SLC25A26: variants seen among roughly 807,000 people sequenced by gnomAD.
The protein encoded by SLC25A26 is solute carrier family 25 member 26, also known as mitochondrial S-adenosylmethionine carrier protein.
A neutral mutation model predicts 37.8 loss-of-function variants in SLC25A26; 36 were observed. The observed-to-expected ratio is 0.95, with a 90% CI of 0.73 to 1.26. SLC25A26 has a LOEUF of 1.26. Ranked by LOEUF, SLC25A26 falls within the 50% of genes most tolerant of loss-of-function variation. The probability of loss-of-function intolerance (pLI) is 0.00; values close to 1 mark genes in which losing one functional copy is unlikely to be tolerated. For synonymous variants in SLC25A26, 129 were observed against 122.5 expected (o/e 1.05, Z -0.35); for missense variants, 390 against 331.1 (o/e 1.18, Z -1.38).
intron 7 of SLC25A26, among the ~76,000 whole-genome samples, chr3:66,369,038 A>C (rs560887632): frequency 0.012 from 291 of 23,362 alleles, 2 homozygotes; most frequent in South Asian, 0.033. Flanking sequence ...AAAAAAAAAA[A>C]AAAAACAAAA....
intron 6 of SLC25A26, among the ~76,000 whole-genome samples, chr3:66,350,291 A>G (rs2076419463): frequency 6.6e-6 from 1 of 152,168 alleles, no homozygotes; most frequent in Non-Finnish European, 1.5e-5. Flanking sequence ...TCTAAAAGTC[A>G]TCATCTTTCT....
At chr3:66,302,147 T>C (rs2075094053) in intron 5 of SLC25A26, among the ~76,000 whole-genome samples, 1 of 152,240 alleles carries the variant, frequency 6.6e-6, no homozygotes, top group African/African-American at 2.4e-5. Context: ...CTCCATCTGT[T>C]GTGCAGAAGT....
chr3:66,304,150 A>C (rs977607439), intron 5 of SLC25A26, among the ~76,000 whole-genome samples: 2 of 152,164 alleles, frequency 1.3e-5, no homozygotes, highest in African/African-American at 4.8e-5. Context: ...GAACCAACTG[A>C]TGGGGGAACT....
chr3:66,209,751 T>C (rs1205272298), intron 1 of SLC25A26, among the ~76,000 whole-genome samples: 2 of 138,560 alleles, frequency 1.4e-5, no homozygotes, highest in South Asian at 2.3e-4. Flanking sequence ...GATATATATA[T>C]ACAACTTTTA....
rs1008623052 is a variant in SLC25A26, at chr3:66,139,042, C to T, written c.-354+5058C>T. 2.0e-5 allele frequency among the ~76,000 whole-genome samples: 3 copies of T among 151,964 alleles called. No individual in the cohort carries two copies. In the East Asian group the frequency reaches 5.8e-4, roughly 30 times the overall value. On this transcript the variant is annotated intron_variant, in intron 1 of 10. Transcript: ENST00000676754. ...CTGCCCCACCCCTCCTGTCCTCCTC[C>T]CCTCCCCATCCTCTTTTCCTCTGCC... is the stretch of plus-strand genomic sequence containing the variant.
intron 5 of SLC25A26, among the ~76,000 whole-genome samples, chr3:66,269,182 A>G (rs2073868005): frequency 6.6e-6 from 1 of 152,214 alleles, no homozygotes; most frequent in South Asian, 2.1e-4. Context: ...GCAGTTCTAA[A>G]AGGCGGCTGT....
intron 1 of SLC25A26, among the ~76,000 whole-genome samples, chr3:66,145,002 C>T (rs1335243114): frequency 6.6e-6 from 1 of 152,054 alleles, no homozygotes; most frequent in Non-Finnish European, 1.5e-5. Context: ...TTTTCAGAGC[C>T]ACGAGGGAGT....
rs2075062549 is a variant in SLC25A26, at chr3:66,301,050, A to C, written c.453+37671A>C. ...ATTGGACCAGTGTTTGACCTGCCAG[A>C]ATAAAATGATGATAGAACTCATTGT... On this transcript the variant is annotated intron_variant, in intron 5 of 9. Coordinates refer to ENST00000354883, the MANE Select transcript of SLC25A26 (RefSeq NM_001379210.1). Among the ~76,000 whole-genome samples, 3 of 152,310 alleles carry C rather than the reference A, an allele frequency of 2.0e-5. No individual in the cohort carries two copies. In the South Asian group the frequency reaches 6.2e-4, roughly 32 times the overall value.
chr3:66,240,373 T>C (rs1357971763), intron 2 of SLC25A26, among the ~76,000 whole-genome samples: 1 of 152,176 alleles, frequency 6.6e-6, no homozygotes, highest in African/African-American at 2.4e-5. Flanking sequence ...CACTGCAACC[T>C]CAACCTCCCA....
intron 5 of SLC25A26, among the ~76,000 whole-genome samples, chr3:66,328,586 G>C (rs1187477451): frequency 6.6e-6 from 1 of 152,142 alleles, no homozygotes; most frequent in Non-Finnish European, 1.5e-5. Flanking sequence ...TTCATCGACA[G>C]CTGCTAAAGT....
Position 66,247,021 on chromosome 3 carries a change from C to A in SLC25A26, c.300+3709C>A, listed in dbSNP as rs914103577. 2.6e-5 allele frequency among the ~76,000 whole-genome samples: 4 copies of A among 152,128 alleles called. No individual in the cohort carries two copies. In the South Asian group the frequency reaches 8.3e-4, roughly 32 times the overall value. On this transcript the variant is annotated intron_variant, in intron 3 of 9. Coordinates refer to ENST00000354883, the MANE Select transcript of SLC25A26 (RefSeq NM_001379210.1). ...GGACTACAGGCACCCGCCACCACAC[C>A]CGGCTAATTTTTTTTTGTATTTTTA...
At chr3:66,235,063 T>C (rs1576676826) in intron 1 of SLC25A26, among the ~76,000 whole-genome samples, 1 of 152,180 alleles carries the variant, frequency 6.6e-6, no homozygotes, top group African/African-American at 2.4e-5. Context: ...ACAAACGTTA[T>C]GTTTTTGTCT....
Position 66,364,337 on chromosome 3 carries a change from A to G in SLC25A26, c.568+1408A>G, listed in dbSNP as rs572346181. Among the ~76,000 whole-genome samples the G allele has an allele frequency of 2.0e-5, 3 of 152,286 alleles. No individual in the cohort carries two copies. In the South Asian group the frequency reaches 6.2e-4, roughly 32 times the overall value. On this transcript the variant is annotated intron_variant, in intron 7 of 9. Transcript: ENST00000354883. Reference sequence around the variant, plus strand: ...GGGAACTTCCTATCAGACATCCTCTATCTATGTGGTAGGATCCTACCATCC... The same window carrying G: ...GGGAACTTCCTATCAGACATCCTCTGTCTATGTGGTAGGATCCTACCATCC...
chr3:66,334,569 G>C (rs1007939545), intron 5 of SLC25A26, among the ~76,000 whole-genome samples: 1 of 152,188 alleles, frequency 6.6e-6, no homozygotes, highest in East Asian at 1.9e-4. Flanking sequence ...ACCGGCCTCA[G>C]CCTCCCAAAG....
At position 66,315,819 on chromosome 3, in the gene SLC25A26, A is replaced by G. The variant is rs548524041; in HGVS notation, c.454-30545A>G. ...TCCTGTATTGGGTCCATATATATTT[A>G]GGATAGTTAGCTCTTCTTCTTGATT... On this transcript the variant is annotated intron_variant, in intron 5 of 9. Coordinates refer to ENST00000354883, the MANE Select transcript of SLC25A26 (RefSeq NM_001379210.1). 9.2e-5 allele frequency among the ~76,000 whole-genome samples: 14 copies of G among 152,324 alleles called. No individual in the cohort carries two copies. The South Asian group carries it at 2.7e-3, about 29-fold the overall frequency.
At chr3:66,261,973 C>T (rs1270080449) in intron 3 of SLC25A26, 78 bp from the exon 4 acceptor site, 2 of 786,668 alleles carry the variant, frequency 2.5e-6, no homozygotes, top group Admixed American at 2.7e-5. Context: ...CTTTTTACTA[C>T]AATTTTTGCT....
At chr3:66,353,892 T>C (rs909752058) in intron 6 of SLC25A26, among the ~76,000 whole-genome samples, 1 of 152,256 alleles carries the variant, frequency 6.6e-6, no homozygotes, top group Admixed American at 6.5e-5. Context: ...GTCTTCTGTT[T>C]ATTCTTTATG....
intron 5 of SLC25A26, among the ~76,000 whole-genome samples, chr3:66,326,822 A>G (rs1271474921): frequency 6.6e-6 from 1 of 152,206 alleles, no homozygotes; most frequent in African/African-American, 2.4e-5. Flanking sequence ...CATCTCTGGT[A>G]ATTAATGGCA....
intron 1 of SLC25A26, among the ~76,000 whole-genome samples, chr3:66,226,901 C>T (rs2071781116): frequency 6.6e-6 from 1 of 152,040 alleles, no homozygotes; most frequent in South Asian, 2.1e-4. Context: ...GGAAAAATTG[C>T]AAAGCTGATG....
Sources: allele counts gnomAD v4.1 joint callset (sites outside exome capture counted in the v4.1 genomes callset), GRCh38; gene constraint gnomAD v4.1.1; transcripts MANE v1.5; gene names NCBI Gene and HGNC (gene_info 2026-07-23, HGNC 2026-07-21).